The following DNMT1 variants were observed in gnomAD, a reference collection of about 807,000 sequenced individuals.
The protein encoded by DNMT1 is DNA (cytosine-5)-methyltransferase 1.
In DNMT1, 24 loss-of-function variants were observed where a neutral mutation model predicts 205.3. The ratio of observed to expected loss-of-function variants is 0.12; its 90% CI spans 0.08 to 0.16. The LOEUF is 0.16. Ranked by LOEUF, DNMT1 falls within the 10% of genes least tolerant of loss-of-function variation. The pLI, the probability that DNMT1 is intolerant of heterozygous loss-of-function variation, is 1.00. For synonymous variants in DNMT1, 817 were observed against 839.8 expected, an observed-to-expected ratio of 0.97 and a Z score of 0.47; for missense variants, 1,293 against 2,177.7, an observed-to-expected ratio of 0.59 and a Z score of 8.09.
chr19:10,134,088 TG>T (rs1280754964), intron 40 of DNMT1, 128 bp downstream of exon 40: 2 of 897,012 alleles, frequency 2.2e-6, no homozygotes, highest in Non-Finnish European at 3.6e-6. Context: ...TTGAGAAAGA[TG>T]GGGCCACGAA....
chr19:10,175,329 G>A (rs1389129646), intron 7 of DNMT1, among the ~76,000 whole-genome samples: 1 of 151,570 alleles, frequency 6.6e-6, no homozygotes. Flanking sequence ...AAAATCAAAC[G>A]AATTATATAT....
chr19:10,133,582 C>T lies in DNMT1; in HGVS notation c.*85G>A, dbSNP rs576045333. ...AAACACCATGTACCACACATGTGAA[C>T]GGACAGATTGACATGTTAAAAACAC... is the stretch of plus-strand genomic sequence containing the variant. On this transcript the variant is annotated 3_prime_UTR_variant, in exon 41 of 41. Coordinates refer to ENST00000359526, the MANE Select transcript of DNMT1 (RefSeq NM_001130823.3). This position sits in a 1 kb window ranked among gnomAD's most constrained non-coding sequence, Gnocchi z 4.1. 6 of 1,474,394 alleles carry T rather than the reference C, an allele frequency of 4.1e-6. No individual in the cohort carries two copies. The highest frequency in any genetic ancestry group is 2.5e-5 in the East Asian group (1 of 40,802). The allele number at this position is 1,474,394 out of a possible 1,614,324, so 91.3% of individuals were successfully genotyped here. A position where few individuals can be genotyped will look rare whatever the true frequency, so the allele number is the denominator to read the frequency against.
At chr19:10,161,842 ATT>A (rs975583607) in intron 13 of DNMT1, among the ~76,000 whole-genome samples, 7 of 152,010 alleles carry the variant, frequency 4.6e-5, no homozygotes, top group African/African-American at 1.7e-4. Context: ...ATGTCCTTGT[ATT>A]TTTTGTTGTT....
At position 10,151,310 on chromosome 19, in the gene DNMT1, C is replaced by T; in HGVS notation, c.2265+88G>A. ...TTTCTTAGTGCCGGGGCTCAGGCTG[C>T]CTGAGAGGTCAGGTTGGCGAGATAC... On this transcript the variant is annotated intron_variant, in intron 24 of 40. Transcript: ENST00000359526. The surrounding 1 kb of genome is among the most constrained non-coding windows in gnomAD (Gnocchi z 5.0). The T allele has an allele frequency of 6.3e-7, 1 of 1,585,002 alleles. No individual in the cohort carries two copies. The highest frequency in any genetic ancestry group is 8.6e-7 in the Non-Finnish European group (1 of 1,168,294).
rs1568232038 is a variant in DNMT1, at chr19:10,151,174, G to A, written c.2265+224C>T. ...AGAACTGTGTCAAATGCCCATTTTG[G>A]GACATTAGGAGAACTGAGCCTTGTG... On this transcript the variant is annotated intron_variant, in intron 24 of 40. Transcript: ENST00000359526. The surrounding 1 kb of genome is among the most constrained non-coding windows in gnomAD (Gnocchi z 5.0). Among the ~76,000 whole-genome samples the A allele has an allele frequency of 6.6e-6, 1 of 152,150 alleles. No homozygotes were observed. The highest frequency in any genetic ancestry group is 1.5e-5 in the Non-Finnish European group (1 of 68,042).
rs2038466590 is a variant in DNMT1 at position 10,156,828 on chromosome 19, G to A, written c.1281-319C>T. ...GGACGGGGTTTCACTATGTGTAGCA[G>A]GCTGGTCTCAAACTCTTTATCTCCA... On this transcript the variant is annotated intron_variant, in intron 17 of 40. Coordinates refer to ENST00000359526, the MANE Select transcript of DNMT1 (RefSeq NM_001130823.3). This position sits in a 1 kb window ranked among gnomAD's most constrained non-coding sequence, Gnocchi z 4.2. 6.6e-6 allele frequency among the ~76,000 whole-genome samples: 1 copy of A among 151,926 alleles called. No individual in the cohort carries two copies. Among genetic ancestry groups the A allele is most frequent in the South Asian group, 2.1e-4 (1 of 4,824 alleles).
rs548883904 is a variant in DNMT1, at chr19:10,142,153, C to T, written c.3184G>A (p.Asp1062Asn). ...TTGAAGTCCACCACGGCCTCCTCGT[C>T]GCTCCAGTAGAGCAGGTTGATGTCT... ...HADINLLYWS[D>N]EEAVVDFKAV... Residue 1062 changes from aspartate to asparagine, a missense_variant, in exon 30 of 41, where the codon GAC becomes AAC. Asp to Asn is a conservative substitution (Grantham distance 23). Transcript: ENST00000359526. The T allele has an allele frequency of 1.3e-5, 21 of 1,614,036 alleles. No homozygotes were observed. The highest frequency in any genetic ancestry group is 3.3e-5 in the Admixed American group (2 of 60,024).
intron 1 of DNMT1, among the ~76,000 whole-genome samples, chr19:10,188,327 C>T (rs1457178746): frequency 6.6e-6 from 1 of 152,078 alleles, no homozygotes; most frequent in Non-Finnish European, 1.5e-5. Context: ...ATCACCTGAG[C>T]TCAGGAGTTC....
At position 10,143,926 on chromosome 19, in the gene DNMT1, G is replaced by C. The variant is rs775590756; in HGVS notation, c.2956C>G (p.Pro986Ala). Residue 986 changes from proline to alanine, a missense_variant, in exon 29 of 41, where the codon CCA (proline) becomes GCA (alanine). Transcript: ENST00000359526. ...RKEPVDEDLY[P>A]EHYRKYSDYI... is the part of the protein sequence containing the mutation. ...TCGGAGTATTTCCGGTAGTGCTCTG[G>C]GTACAGGTCCTCATCCACGGGCTCC... 5 of 1,614,126 alleles carry C rather than the reference G, an allele frequency of 3.1e-6. No homozygotes were observed. Among genetic ancestry groups the C allele is most frequent in the Non-Finnish European group, 3.4e-6 (4 of 1,180,030 alleles).
At position 10,149,981 on chromosome 19, in the gene DNMT1, G is replaced by A. The variant is rs2038303829; in HGVS notation, c.2266-13C>T. On this transcript the variant is annotated splice_polypyrimidine_tract_variant and intron_variant, in intron 24 of 40. Coordinates refer to ENST00000359526, the MANE Select transcript of DNMT1 (RefSeq NM_001130823.3). ...TCTTCCCATCAGTCTGAAAATGAGA[G>A]CATAAGTTCATGGAGGATCATTCTG... 1.2e-6 allele frequency: 2 copies of A among 1,610,300 alleles called. No homozygotes were observed. The highest frequency in any genetic ancestry group is 1.1e-5 in the South Asian group (1 of 91,008).
intron 9 of DNMT1, among the ~76,000 whole-genome samples, chr19:10,171,930 C>T (rs1178807745): frequency 6.6e-6 from 1 of 151,376 alleles, no homozygotes; most frequent in Non-Finnish European, 1.5e-5. Context: ...TTACTTGAAC[C>T]TGGGAGGCGG....
rs530575292 is a variant in DNMT1, at chr19:10,151,709, G to C, written c.2117+41C>G. On this transcript the variant is annotated intron_variant, in intron 23 of 40. Transcript: ENST00000359526. This position sits in a 1 kb window ranked among gnomAD's most constrained non-coding sequence, Gnocchi z 5.0. ...TCCACAGTGCATCTGCCACCAGCTG[G>C]CAAGTCCTCTGCCACAGGAGGAAGA... 362 of 1,612,184 alleles carry C rather than the reference G, an allele frequency of 2.2e-4. 4 individuals are homozygous for C. In the South Asian group the frequency reaches 3.7e-3, roughly 17 times the overall value.
rs1021798119 is a variant in DNMT1 at position 10,140,990 on chromosome 19, C to T, written c.3395-81G>A. On this transcript the variant is annotated intron_variant, in intron 31 of 40. Coordinates refer to ENST00000359526, the MANE Select transcript of DNMT1 (RefSeq NM_001130823.3). The surrounding 1 kb of genome is among the most constrained non-coding windows in gnomAD (Gnocchi z 8.4). Reference sequence around the variant, plus strand: ...CTCTCAAGCGCCTTGTTAACTCAGGCGGCCTCGCTGTCCCAGAGTCAGTAA... The same window carrying T: ...CTCTCAAGCGCCTTGTTAACTCAGGTGGCCTCGCTGTCCCAGAGTCAGTAA... The T allele has an allele frequency of 3.7e-6, 6 of 1,613,236 alleles. No individual in the cohort carries two copies. The highest frequency in any genetic ancestry group is 2.2e-5 in the East Asian group (1 of 44,890).
Position 10,143,777 on chromosome 19 carries a change from G to A in DNMT1, c.3105C>T (p.Asn1035=). 6.2e-7 allele frequency: 1 copy of A among 1,614,130 alleles called. No homozygotes were observed. Among genetic ancestry groups the A allele is most frequent in the Non-Finnish European group, 8.5e-7 (1 of 1,180,000 alleles). Residue 1035 remains asparagine, a synonymous_variant, in exon 29 of 41, where the codon AAC becomes AAT. Coordinates refer to ENST00000359526, the MANE Select transcript of DNMT1 (RefSeq NM_001130823.3). ...PNETDIKIRV[N]KFYRPENTHK... ...AGGCCTCTGCTGACCTGTAGAACTT[G>A]TTGACCCGGATTTTGATGTCAGTCT...
chr19:10,179,774 G>A (rs965890697), intron 5 of DNMT1: 4 of 154,840 alleles, frequency 2.6e-5, no homozygotes, highest in African/African-American at 9.7e-5. Context: ...AGGACCACTT[G>A]AGGTCAGGAG....
At chr19:10,194,372 G>A (rs1349232976) in intron 1 of DNMT1, among the ~76,000 whole-genome samples, 3 of 151,118 alleles carry the variant, frequency 2.0e-5, no homozygotes, top group Non-Finnish European at 4.4e-5. Context: ...CCCCACCACA[G>A]AAGCGCCCCC....
In DNMT1 at chr19:10,138,079, C is replaced by A. The variant is rs570354490; in HGVS notation, c.4116-70G>T. The stretch of plus-strand genomic sequence containing the variant: ...AGCTGTCCCCTCATCACAGGTGCCA[C>A]CCCCTGCCTGCTCAGATGGCCTTCT... On this transcript the variant is annotated intron_variant, in intron 35 of 40. Transcript: ENST00000359526. This position sits in a 1 kb window ranked among gnomAD's most constrained non-coding sequence, Gnocchi z 4.1. 5.2e-6 allele frequency: 8 copies of A among 1,528,392 alleles called. No homozygotes were observed. The African/African-American group carries it at 6.8e-5, about 13-fold the overall frequency. 94.7% of individuals were successfully genotyped at this position (1,528,392 alleles called of 1,614,324 possible). A position where few individuals can be genotyped will look rare whatever the true frequency, so the allele number is the denominator to read the frequency against.
chr19:10,176,617 G>C (rs1229308649), intron 6 of DNMT1, among the ~76,000 whole-genome samples: 1 of 152,156 alleles, frequency 6.6e-6, no homozygotes, highest in Non-Finnish European at 1.5e-5. Flanking sequence ...CAGCACTTTG[G>C]GAGGTTGAAG....
chr19:10,159,276 C>T lies in DNMT1; in HGVS notation c.1280+382G>A, dbSNP rs1281499110. On this transcript the variant is annotated intron_variant, in intron 17 of 40. Coordinates refer to ENST00000359526, the MANE Select transcript of DNMT1 (RefSeq NM_001130823.3). This position sits in a 1 kb window ranked among gnomAD's most constrained non-coding sequence, Gnocchi z 5.0. ...TGTCGCCCAGGCTGGAATGCAGTGGCACCACCTCGGCTCACTGCAGCCTCC... is the reference window on the plus strand; with the variant it reads ...TGTCGCCCAGGCTGGAATGCAGTGGTACCACCTCGGCTCACTGCAGCCTCC... 1.3e-5 allele frequency among the ~76,000 whole-genome samples: 2 copies of T among 152,232 alleles called. No homozygotes were observed. Among genetic ancestry groups the T allele is most frequent in the Non-Finnish European group, 2.9e-5 (2 of 68,046 alleles).
Sources: gnomAD v4.1 joint callset for allele counts (sites outside exome capture counted in the v4.1 genomes callset) on GRCh38, gnomAD v4.1.1 for gene constraint, Gnocchi (gnomAD v3.1) non-coding constraint, MANE v1.5 for transcripts, NCBI Gene and HGNC (gene_info 2026-07-23, HGNC 2026-07-21) for gene names.